BRINP1: variants seen among roughly 807,000 people sequenced by gnomAD.
The protein encoded by BRINP1 is BMP/retinoic acid inducible neural specific 1, also known as BMP/retinoic acid-inducible neural-specific protein 1.
In BRINP1, 17 loss-of-function variants were observed where a neutral mutation model predicts 72.9. That is an observed-to-expected ratio of 0.23 (90% CI 0.16 to 0.35). The LOEUF (loss-of-function observed/expected upper bound fraction) is 0.35, where lower values mean the gene tolerates loss of function less well. Among genes scored for constraint, BRINP1 ranks in the 10% least tolerant of loss-of-function variants. The pLI, the probability that BRINP1 is intolerant of heterozygous loss-of-function variation, is 1.00. For synonymous variants in BRINP1, 418 were observed against 378.5 expected (o/e 1.10, Z -1.21); for missense variants, 850 against 1,001.6 (o/e 0.85, Z 2.04).
At chr9:119,212,475 T>G (rs1163701865) in intron 6 of BRINP1, among the ~76,000 whole-genome samples, 5 of 152,226 alleles carry the variant, frequency 3.3e-5, no homozygotes, top group Non-Finnish European at 7.3e-5. Context: ...TTACCAAATC[T>G]GCTGTGAGCA....
At chr9:119,254,947 A>G (rs1830431143) in intron 2 of BRINP1, among the ~76,000 whole-genome samples, 2 of 152,362 alleles carry the variant, frequency 1.3e-5, no homozygotes, top group East Asian at 3.9e-4. Context: ...CCATCCACTG[A>G]TGGGAAAATT....
chr9:119,211,909 T>C (rs1432414400), intron 6 of BRINP1, among the ~76,000 whole-genome samples: 1 of 152,220 alleles, frequency 6.6e-6, no homozygotes, highest in African/African-American at 2.4e-5. Flanking sequence ...ATCCATCCAC[T>C]TAAAGTGGTT....
intron 7 of BRINP1, among the ~76,000 whole-genome samples, chr9:119,175,832 C>T (rs1488414484): frequency 2.0e-5 from 3 of 152,128 alleles, no homozygotes; most frequent in Non-Finnish European, 4.4e-5. Flanking sequence ...GTGTGTCTAG[C>T]ACTTTTTACC....
chr9:119,316,303 G>C (rs940875708), intron 1 of BRINP1, among the ~76,000 whole-genome samples: 10 of 152,162 alleles, frequency 6.6e-5, no homozygotes, highest in African/African-American at 7.2e-5. Flanking sequence ...GGCCAGGCTG[G>C]TCTTGAACTC....
intron 7 of BRINP1, among the ~76,000 whole-genome samples, chr9:119,188,121 G>A (rs1829643910): frequency 6.6e-6 from 1 of 152,170 alleles, no homozygotes; most frequent in Admixed American, 6.5e-5. Flanking sequence ...AGGAATAATA[G>A]ATGAAGAAAG....
At chr9:119,185,891 C>A (rs1352388622) in intron 7 of BRINP1, among the ~76,000 whole-genome samples, 1 of 152,238 alleles carries the variant, frequency 6.6e-6, no homozygotes, top group Non-Finnish European at 1.5e-5. Context: ...GAAAGCAAAG[C>A]CCTGCTAGAG....
intron 7 of BRINP1, among the ~76,000 whole-genome samples, chr9:119,172,715 T>G (rs1829430405): frequency 6.6e-6 from 1 of 151,782 alleles, no homozygotes; most frequent in South Asian, 2.1e-4. Context: ...TGATGAACAT[T>G]GATGCAAAAA....
At chr9:119,273,226 A>C (rs948781519) in intron 2 of BRINP1, among the ~76,000 whole-genome samples, 1 of 152,210 alleles carries the variant, frequency 6.6e-6, no homozygotes, top group Non-Finnish European at 1.5e-5. Context: ...GAATTTGGGC[A>C]AGCTGTTTCA....
At chr9:119,256,642 A>G (rs1830450762) in intron 2 of BRINP1, among the ~76,000 whole-genome samples, 1 of 152,218 alleles carries the variant, frequency 6.6e-6, no homozygotes, top group African/African-American at 2.4e-5. Context: ...AATTATTTGT[A>G]TAGGACACAC....
At chr9:119,223,635 A>G (rs566636982) in intron 5 of BRINP1, among the ~76,000 whole-genome samples, 77 of 152,162 alleles carry the variant, frequency 5.1e-4, no homozygotes, top group African/African-American at 1.8e-3. Flanking sequence ...TTGAGTACCC[A>G]GAGTACGTGT....
At chr9:119,219,223 G>T (rs1307730997) in intron 5 of BRINP1, among the ~76,000 whole-genome samples, 1 of 152,078 alleles carries the variant, frequency 6.6e-6, no homozygotes, top group Admixed American at 6.6e-5. Context: ...ATAATTAAGT[G>T]TTCAACAAAT....
At chr9:119,353,152 A>G (rs960894543) in intron 1 of BRINP1, among the ~76,000 whole-genome samples, 2 of 152,174 alleles carry the variant, frequency 1.3e-5, no homozygotes, top group African/African-American at 4.8e-5. Context: ...AGCCTCAGCT[A>G]TTTCTTTTCC....
At chr9:119,221,522 A>G (rs1830041458) in intron 5 of BRINP1, among the ~76,000 whole-genome samples, 1 of 152,158 alleles carries the variant, frequency 6.6e-6, no homozygotes, top group African/African-American at 2.4e-5. Flanking sequence ...CTGTGCAGAA[A>G]GGGCGAAAAG....
intron 1 of BRINP1, among the ~76,000 whole-genome samples, chr9:119,333,286 C>T (rs1319830977): frequency 6.6e-6 from 1 of 151,540 alleles, no homozygotes; most frequent in Non-Finnish European, 1.5e-5. Context: ...CATGGCAAAA[C>T]CCTATCTCTA....
chr9:119,265,308 C>T (rs1830536382), intron 2 of BRINP1, among the ~76,000 whole-genome samples: 1 of 151,996 alleles, frequency 6.6e-6, no homozygotes. Flanking sequence ...TGCATATAAT[C>T]AGTCCTCAAG....
At chr9:119,305,063 C>A (rs986127887) in intron 2 of BRINP1, among the ~76,000 whole-genome samples, 1 of 152,102 alleles carries the variant, frequency 6.6e-6, no homozygotes, top group Non-Finnish European at 1.5e-5. Flanking sequence ...TCCTCTGAAC[C>A]AAAACACGAC....
chr9:119,242,980 T>C (rs201020334), intron 3 of BRINP1, among the ~76,000 whole-genome samples: 1 of 25,786 alleles, frequency 3.9e-5, no homozygotes, highest in Non-Finnish European at 6.4e-5. Context: ...TTCTTTTTTC[T>C]TTTTTTTTTT....
intron 1 of BRINP1, among the ~76,000 whole-genome samples, chr9:119,326,331 A>T (rs1359659205): frequency 6.6e-6 from 1 of 152,250 alleles, no homozygotes; most frequent in Non-Finnish European, 1.5e-5. Flanking sequence ...AACTACCACA[A>T]ATCAACTGTA....
chr9:119,208,613 G>C lies in BRINP1; in HGVS notation c.1145+106C>G, dbSNP rs534210343. The C allele has an allele frequency of 6.0e-6, 7 of 1,173,668 alleles. No individual in the cohort carries two copies. The African/African-American group carries it at 9.1e-5, about 15-fold the overall frequency. 72.7% of individuals were successfully genotyped at this position (1,173,668 alleles called of 1,614,324 possible). ...GTCTGGACCATGCGAGGTCCTGTTT[G>C]CCACCCCACAAATGCACCATCTGCA... is the stretch of plus-strand genomic sequence containing the variant. On this transcript the variant is annotated intron_variant, in intron 7 of 7. Transcript: ENST00000265922.
Sources: gnomAD v4.1 joint callset for allele counts (sites outside exome capture counted in the v4.1 genomes callset) on GRCh38, gnomAD v4.1.1 for gene constraint, MANE v1.5 for transcripts, NCBI Gene and HGNC (gene_info 2026-07-23, HGNC 2026-07-21) for gene names.